TMOD1: variants seen among roughly 807,000 people sequenced by gnomAD.
TMOD1 encodes tropomodulin 1, also known as tropomodulin-1.
A neutral mutation model predicts 40.6 loss-of-function variants in TMOD1; 17 were observed. The ratio of observed to expected loss-of-function variants is 0.42; its 90% CI spans 0.29 to 0.63. The LOEUF is 0.63. Ranked by LOEUF, TMOD1 falls within the 20% of genes least tolerant of loss-of-function variation. The pLI is 0.22. For missense variants in TMOD1, 391 were observed against 447.6 expected (o/e 0.87, Z 1.14); for synonymous variants, 181 against 175.0 (o/e 1.03, Z -0.27).
Position 97,591,403 on chromosome 9 carries a change from C to A in TMOD1, c.983C>A (p.Ala328Glu). 6.2e-7 allele frequency: 1 copy of A among 1,614,206 alleles called. No homozygotes were observed. The highest frequency in any genetic ancestry group is 8.5e-7 in the Non-Finnish European group (1 of 1,180,026). ...HFTQQGPRLRASNAMMNNNDL... is the reference protein window; with the variant it reads ...HFTQQGPRLRESNAMMNNNDL... ...ACCCAGCAAGGACCCCGGCTTCGGGCATCCAACGCAATGATGAACAACAAT... is the reference window on the plus strand; with the variant it reads ...ACCCAGCAAGGACCCCGGCTTCGGGAATCCAACGCAATGATGAACAACAAT... Residue 328 changes from alanine to glutamate, a missense_variant, in exon 9 of 10, where the codon GCA becomes GAA. Ala to Glu is a moderately radical substitution (Grantham distance 107, BLOSUM62 -1). Coordinates refer to ENST00000259365, the MANE Select transcript of TMOD1 (RefSeq NM_003275.4).
In TMOD1 at chr9:97,502,649, C is replaced by A. The variant is rs780477475; in HGVS notation, c.-49+846C>A. ...GGGACGCTGGGGTCCCAGCCGCGCA[C>A]ATGCGGAGACGCTGCAGAAATCGGA... On this transcript the variant is annotated intron_variant, in intron 1 of 9. Transcript: ENST00000259365. This position sits in a 1 kb window ranked among gnomAD's most constrained non-coding sequence, Gnocchi z 6.1. 6.6e-6 allele frequency among the ~76,000 whole-genome samples: 1 copy of A among 152,210 alleles called. No homozygotes were observed. Among genetic ancestry groups the A allele is most frequent in the African/African-American group, 2.4e-5 (1 of 41,472 alleles).
chr9:97,563,234 G>A (rs1239890498), intron 5 of TMOD1, among the ~76,000 whole-genome samples: 2 of 152,022 alleles, frequency 1.3e-5, no homozygotes, highest in African/African-American at 4.8e-5. Context: ...TGTTTATTTT[G>A]TATGGAGATG....
At chr9:97,566,650 G>A (rs1048683944) in intron 7 of TMOD1, among the ~76,000 whole-genome samples, 3 of 151,930 alleles carry the variant, frequency 2.0e-5, no homozygotes, top group Admixed American at 6.6e-5. Flanking sequence ...CAGCTTGGGC[G>A]ACAGAGCGAG....
chr9:97,563,022 C>A (rs1266754352), intron 5 of TMOD1, among the ~76,000 whole-genome samples: 2 of 152,178 alleles, frequency 1.3e-5, no homozygotes, highest in African/African-American at 4.8e-5. Flanking sequence ...CCTATATTTT[C>A]TTCTAAAAGT....
chr9:97,550,992 T>TCA (rs1830441669), intron 3 of TMOD1, among the ~76,000 whole-genome samples: 2 of 96,374 alleles, frequency 2.1e-5, no homozygotes, highest in South Asian at 7.0e-4. Flanking sequence ...TCTAAGAATT[T>TCA]TATATATATA....
At chr9:97,585,585 T>A (rs906636267) in intron 8 of TMOD1, among the ~76,000 whole-genome samples, 95 of 148,586 alleles carry the variant, frequency 6.4e-4, no homozygotes, top group African/African-American at 2.3e-3. Context: ...TCCTGGATAA[T>A]ATCCTGCAGA....
At chr9:97,544,213 G>A (rs1830320925) in intron 2 of TMOD1, among the ~76,000 whole-genome samples, 1 of 152,158 alleles carries the variant, frequency 6.6e-6, no homozygotes, top group Non-Finnish European at 1.5e-5. Flanking sequence ...CAGCACTGTG[G>A]TGTTATGCAT....
chr9:97,590,034 T>G lies in TMOD1; in HGVS notation c.871-1257T>G, dbSNP rs1261498226. On this transcript the variant is annotated intron_variant, in intron 8 of 9. Coordinates refer to ENST00000259365, the MANE Select transcript of TMOD1 (RefSeq NM_003275.4). The stretch of plus-strand genomic sequence containing the variant: ...AAATATAGACAACTTTACATACAAA[T>G]CGTCTATTTTGTGACCAGGGTTTTT... Among the ~76,000 whole-genome samples the G allele has an allele frequency of 3.3e-5, 5 of 152,086 alleles. No homozygotes were observed. The East Asian group carries it at 9.6e-4, about 29-fold the overall frequency.
chr9:97,544,247 C>T (rs931735937), intron 2 of TMOD1, among the ~76,000 whole-genome samples: 1 of 152,110 alleles, frequency 6.6e-6, no homozygotes, highest in Non-Finnish European at 1.5e-5. Flanking sequence ...AAAAATGATG[C>T]ATTAGTTAGG....
chr9:97,531,033 A>ACCCCCCCCCCC lies in TMOD1; in HGVS notation c.120+6728_120+6729insCCCCCCCCCCC, dbSNP rs202030181. ...GAACTCCTGACCTTAGGTGATCCAC[A>ACCCCCCCCCCC]CCCACCCCCCCCACCACCCCTTGGC... On this transcript the variant is annotated intron_variant, in intron 2 of 9. Transcript: ENST00000259365. 1.8e-4 allele frequency among the ~76,000 whole-genome samples: 14 copies of ACCCCCCCCCCC among 78,260 alleles called. 4 individuals carry two copies. Among genetic ancestry groups the ACCCCCCCCCCC allele is most frequent in the Non-Finnish European group, 2.9e-4 (12 of 41,330 alleles). 51.3% of individuals were successfully genotyped at this position (78,260 alleles called of 152,430 possible).
At chr9:97,589,098 C>T (rs1177905872) in intron 8 of TMOD1, among the ~76,000 whole-genome samples, 1 of 112,096 alleles carries the variant, frequency 8.9e-6, no homozygotes, top group South Asian at 2.7e-4. Flanking sequence ...GCCTGAACAA[C>T]AAGAGTGAGA....
Position 97,592,601 on chromosome 9 carries a change from G to T in TMOD1, c.1015+1166G>T, listed in dbSNP as rs576594796. On this transcript the variant is annotated intron_variant, in intron 9 of 9. Coordinates refer to ENST00000259365, the MANE Select transcript of TMOD1 (RefSeq NM_003275.4). ...AATATGAATGCTCCACTCAAAGTATGTCACTTCCTGGTGATTTATCTGAGG... is the reference window on the plus strand; with the variant it reads ...AATATGAATGCTCCACTCAAAGTATTTCACTTCCTGGTGATTTATCTGAGG... Among the ~76,000 whole-genome samples, 127 of 152,270 alleles carry T rather than the reference G, an allele frequency of 8.3e-4. 1 individual carries two copies. Among genetic ancestry groups the T allele is most frequent in the Admixed American group, 1.4e-3 (22 of 15,300 alleles).
At chr9:97,536,332 T>C (rs1012169414) in intron 2 of TMOD1, among the ~76,000 whole-genome samples, 2 of 152,190 alleles carry the variant, frequency 1.3e-5, no homozygotes, top group Non-Finnish European at 2.9e-5. Context: ...TGGCCTGGCC[T>C]GGCCTGGCCT....
intron 4 of TMOD1, among the ~76,000 whole-genome samples, chr9:97,559,811 ATATATATATATATG>A (rs780308832): frequency 0.12 from 5,127 of 42,150 alleles, 319 homozygotes; most frequent in Middle Eastern, 0.36. Flanking sequence ...ATATATATAT[ATATATATATATATG>A]TCTATCTATC....
intron 2 of TMOD1, among the ~76,000 whole-genome samples, chr9:97,539,693 G>A (rs1830245039): frequency 6.6e-6 from 1 of 152,166 alleles, no homozygotes; most frequent in African/African-American, 2.4e-5. Flanking sequence ...CAGCCCGGGT[G>A]AGGTGGCTCA....
rs1170579375 is a variant in TMOD1, at chr9:97,568,998, A to G, written c.831A>G (p.Pro277=). ...TTCTGCGCCTGGTAGAAGCCCTCCC[A>G]TACAACACTTCTCTGGTGGAAATGA... The part of the protein sequence containing the change: ...AGILRLVEAL[P]YNTSLVEMKI... The change falls in exon 8 of 10, where the codon CCA becomes CCG. Residue 277 remains proline, a synonymous_variant. Transcript: ENST00000259365. 1 of 1,614,202 alleles carries G rather than the reference A, an allele frequency of 6.2e-7. No individual in the cohort carries two copies. The highest frequency in any genetic ancestry group is 1.7e-5 in the Admixed American group (1 of 60,028).
intron 1 of TMOD1, among the ~76,000 whole-genome samples, chr9:97,521,734 A>C (rs1197842998): frequency 6.6e-6 from 1 of 152,136 alleles, no homozygotes; most frequent in Non-Finnish European, 1.5e-5. Context: ...GATGGCACTG[A>C]GGTTTCTGTA....
intron 3 of TMOD1, among the ~76,000 whole-genome samples, chr9:97,551,014 ATTTTTTTTT>A (rs55700746): frequency 0.045 from 4,634 of 103,816 alleles, 414 homozygotes; most frequent in African/African-American, 0.19. Flanking sequence ...ATATATATAT[ATTTTTTTTT>A]TTTTTTTTTT....
intron 1 of TMOD1, among the ~76,000 whole-genome samples, chr9:97,522,238 G>C (rs893465606): frequency 1.3e-4 from 20 of 152,114 alleles, no homozygotes; most frequent in African/African-American, 4.8e-4. Flanking sequence ...GTTCCTTCTG[G>C]GGCTGCCTTC....
Sources: gnomAD v4.1 joint callset for allele counts (sites outside exome capture counted in the v4.1 genomes callset) on GRCh38, gnomAD v4.1.1 for gene constraint, Gnocchi (gnomAD v3.1) non-coding constraint, MANE v1.5 for transcripts, NCBI Gene and HGNC (gene_info 2026-07-23, HGNC 2026-07-21) for gene names.